Variants in KCNJ6 observed in about 807,000 individuals in gnomAD.
The protein encoded by KCNJ6 is G protein-activated inward rectifier potassium channel 2.
A neutral mutation model predicts 34.2 loss-of-function variants in KCNJ6; 9 were observed. The observed-to-expected ratio is 0.26, with a 90% confidence interval of 0.16 to 0.46. The LOEUF is 0.46. Among genes scored for constraint, KCNJ6 ranks in the 20% least tolerant of loss-of-function variants. KCNJ6 has a pLI of 1.00. For missense variants in KCNJ6, 236 were observed against 531.3 expected, an observed-to-expected ratio of 0.44 and a Z score of 5.46; for synonymous variants, 196 against 207.1, an observed-to-expected ratio of 0.95 and a Z score of 0.46.
chr21:37,833,006 G>A (rs2055433976), intron 2 of KCNJ6, among the ~76,000 whole-genome samples: 1 of 106,870 alleles, frequency 9.4e-6, no homozygotes, highest in African/African-American at 3.8e-5. Context: ...TGGCTTCTCG[G>A]CATTTCTTTT....
At chr21:37,874,943 AC>A (rs2055670361) in intron 1 of KCNJ6, among the ~76,000 whole-genome samples, 1 of 152,150 alleles carries the variant, frequency 6.6e-6, no homozygotes, top group Non-Finnish European at 1.5e-5. Flanking sequence ...TATTCTCAGC[AC>A]AGCAAGCCAC....
chr21:37,660,846 G>A (rs1601408041), intron 3 of KCNJ6, among the ~76,000 whole-genome samples: 1 of 152,314 alleles, frequency 6.6e-6, no homozygotes, highest in South Asian at 2.1e-4. Context: ...TCCCATCGGT[G>A]TCCCCGTCTG....
intron 1 of KCNJ6, among the ~76,000 whole-genome samples, chr21:37,852,888 AACTC>A (rs2055544324): frequency 6.6e-6 from 1 of 152,158 alleles, no homozygotes; most frequent in African/African-American, 2.4e-5. Context: ...TGAAATAAAA[AACTC>A]AATCGATGGG....
At chr21:37,741,303 GACCTTTCTGGATGT>G (rs2054940372) in intron 2 of KCNJ6, among the ~76,000 whole-genome samples, 4 of 152,276 alleles carry the variant, frequency 2.6e-5, no homozygotes, top group Middle Eastern at 3.4e-3. Context: ...CCAGGAGAAT[GACCTTTCTGGATGT>G]ACCTGGTCTC....
chr21:37,617,018 T>TTC lies in KCNJ6; in HGVS notation c.*8139_*8140dup, dbSNP rs1556008803. 2 of 21,612 alleles carry TTC rather than the reference T, an allele frequency of 9.3e-5. No individual in the cohort carries two copies. Among genetic ancestry groups the TTC allele is most frequent in the Non-Finnish European group, 1.7e-4 (2 of 11,860 alleles). 1.3% of individuals were successfully genotyped at this position (21,612 alleles called of 1,614,324 possible). A position where few individuals can be genotyped will look rare whatever the true frequency, so the allele number is the denominator to read the frequency against. ...TTCTTTCTCTTTCTTTTCTCTTTCT[T>TTC]TCTTTCTTTCTTTCTTTCTTTCTTT... On this transcript the variant is annotated 3_prime_UTR_variant, in exon 4 of 4. Transcript: ENST00000609713.
chr21:37,879,821 G>A (rs2055698307), intron 1 of KCNJ6, among the ~76,000 whole-genome samples: 1 of 151,806 alleles, frequency 6.6e-6, no homozygotes, highest in African/African-American at 2.4e-5. Flanking sequence ...GATGGTTCCA[G>A]GTTGGATAAA....
chr21:37,708,496 C>T (rs1480610796), intron 3 of KCNJ6, among the ~76,000 whole-genome samples: 1 of 152,180 alleles, frequency 6.6e-6, no homozygotes, highest in Admixed American at 6.5e-5. Flanking sequence ...ATGAGCTACA[C>T]TTAATGCTCA....
At chr21:37,744,525 G>T (rs2123478505) in intron 2 of KCNJ6, among the ~76,000 whole-genome samples, 1 of 152,232 alleles carries the variant, frequency 6.6e-6, no homozygotes, top group South Asian at 2.1e-4. Context: ...GGAGAAAAGG[G>T]CAACAAAACT....
At chr21:37,764,507 G>A (rs2055081507) in intron 2 of KCNJ6, among the ~76,000 whole-genome samples, 1 of 151,904 alleles carries the variant, frequency 6.6e-6, no homozygotes, top group South Asian at 2.1e-4. Context: ...GCCTCCTGAG[G>A]AGCTGAGATT....
In KCNJ6 at chr21:37,646,375, A is replaced by G. The variant is rs77877867; in HGVS notation, c.947-20891T>C. On this transcript the variant is annotated intron_variant, in intron 3 of 3. Transcript: ENST00000609713. ...ATTCTAGTAATAACAGGATTATCTC[A>G]TCAATTTATATTCACACCTGTAGCT... is the stretch of plus-strand genomic sequence containing the variant. Among the ~76,000 whole-genome samples, 41 of 152,266 alleles carry G rather than the reference A, an allele frequency of 2.7e-4. No individual in the cohort carries two copies. In the East Asian group the frequency reaches 7.7e-3, roughly 29 times the overall value.
chr21:37,723,097 C>CT (rs2054835183), intron 2 of KCNJ6, among the ~76,000 whole-genome samples: 1 of 152,132 alleles, frequency 6.6e-6, no homozygotes, highest in South Asian at 2.1e-4. Context: ...AAAAACAACC[C>CT]CATTAACAAG....
At chr21:37,731,214 C>G (rs1308643595) in intron 2 of KCNJ6, among the ~76,000 whole-genome samples, 2 of 151,976 alleles carry the variant, frequency 1.3e-5, no homozygotes, top group Admixed American at 6.6e-5. Context: ...GAGTAAATTA[C>G]CCCAGTGGAG....
intron 3 of KCNJ6, among the ~76,000 whole-genome samples, chr21:37,642,904 C>A (rs2054387611): frequency 6.6e-6 from 1 of 152,158 alleles, no homozygotes; most frequent in Non-Finnish European, 1.5e-5. Flanking sequence ...TGAGCATGCC[C>A]TCTGGTGAGT....
In KCNJ6 at chr21:37,835,039, C is replaced by T. The variant is rs529612446; in HGVS notation, c.25+5619G>A. Among the ~76,000 whole-genome samples the T allele has an allele frequency of 2.6e-5, 4 of 152,312 alleles. No individual in the cohort carries two copies. The South Asian group carries it at 8.3e-4, about 32-fold the overall frequency. Reference sequence around the variant, plus strand: ...GCTGGGGTAGAATGGCTCATGACAACAACCCCTAGGGACGCTCTGGCTGCC... The same window carrying T: ...GCTGGGGTAGAATGGCTCATGACAATAACCCCTAGGGACGCTCTGGCTGCC... On this transcript the variant is annotated intron_variant, in intron 2 of 3. Coordinates refer to ENST00000609713, the MANE Select transcript of KCNJ6 (RefSeq NM_002240.5).
chr21:37,732,521 G>A (rs764007954), intron 2 of KCNJ6, among the ~76,000 whole-genome samples: 12 of 152,158 alleles, frequency 7.9e-5, no homozygotes, highest in Non-Finnish European at 1.3e-4. Context: ...AGTGAGGAAC[G>A]GGGAAGCTAT....
chr21:37,756,651 G>A (rs1374746610), intron 2 of KCNJ6, among the ~76,000 whole-genome samples: 14 of 146,932 alleles, frequency 9.5e-5, no homozygotes, highest in East Asian at 7.8e-4. Flanking sequence ...CCCTCACAGC[G>A]TGATGATTCC....
chr21:37,712,084 T>G (rs1335514218), intron 3 of KCNJ6, among the ~76,000 whole-genome samples: 1 of 152,200 alleles, frequency 6.6e-6, no homozygotes, highest in Non-Finnish European at 1.5e-5. Flanking sequence ...ATCACAAAGA[T>G]AATTTGCTTA....
intron 2 of KCNJ6, among the ~76,000 whole-genome samples, chr21:37,718,393 T>C (rs1050881641): frequency 1.3e-5 from 2 of 152,148 alleles, no homozygotes; most frequent in African/African-American, 4.8e-5. Flanking sequence ...TATAAGCAGA[T>C]AGAAGAGTGG....
chr21:37,667,978 G>A (rs1053559317), intron 3 of KCNJ6, among the ~76,000 whole-genome samples: 1 of 152,244 alleles, frequency 6.6e-6, no homozygotes. Flanking sequence ...AAGCGCAGGG[G>A]CCTGGGCTTT....
Sources: allele counts gnomAD v4.1 joint callset (sites outside exome capture counted in the v4.1 genomes callset), GRCh38; gene constraint gnomAD v4.1.1; transcripts MANE v1.5; gene names NCBI Gene and HGNC (gene_info 2026-07-23, HGNC 2026-07-21).